OSBPL10: variants seen among roughly 807,000 people sequenced by gnomAD.
The protein encoded by OSBPL10 is oxysterol-binding protein-related protein 10.
In OSBPL10, 49 loss-of-function variants were observed where a neutral mutation model predicts 81.7. The observed-to-expected ratio is 0.60, with a 90% confidence interval of 0.48 to 0.76. OSBPL10 has a LOEUF of 0.76. Ranked by LOEUF, OSBPL10 falls within the 30% of genes least tolerant of loss-of-function variation. The pLI is 0.00. For synonymous variants in OSBPL10, 419 were observed against 383.6 expected, an observed-to-expected ratio of 1.09 and a Z score of -1.08; for missense variants, 923 against 987.8, an observed-to-expected ratio of 0.93 and a Z score of 0.88.
At chr3:31,993,696 A>ACACC in intron 2 of OSBPL10, among the ~76,000 whole-genome samples, 1 of 152,102 alleles carries the variant, frequency 6.6e-6, no homozygotes, top group East Asian at 1.9e-4. Flanking sequence ...ACACACACAC[A>ACACC]CACACACACA....
intron 5 of OSBPL10, among the ~76,000 whole-genome samples, chr3:31,741,562 C>T (rs1479994221): frequency 6.6e-6 from 1 of 152,204 alleles, no homozygotes; most frequent in Non-Finnish European, 1.5e-5. Flanking sequence ...TGTGCCCAGC[C>T]TCTAACTGCT....
At chr3:31,879,498 C>T in intron 2 of OSBPL10, 157 bp downstream of exon 2, 2 of 693,172 alleles carry the variant, frequency 2.9e-6, no homozygotes, top group Non-Finnish European at 4.7e-6. Context: ...CATCTCCCCA[C>T]CCCAGGGATA....
At chr3:32,050,321 G>A (rs138344496) in intron 1 of OSBPL10, among the ~76,000 whole-genome samples, 87 of 152,208 alleles carry the variant, frequency 5.7e-4, no homozygotes, top group African/African-American at 2.0e-3. Flanking sequence ...TTTTCACAAC[G>A]GTGGCATGAA....
At chr3:31,806,977 C>A (rs1699536368) in intron 4 of OSBPL10, among the ~76,000 whole-genome samples, 1 of 152,110 alleles carries the variant, frequency 6.6e-6, no homozygotes, top group African/African-American at 2.4e-5. Context: ...AGCCAGGGAC[C>A]TGGTCATGGA....
At chr3:32,026,074 G>A in intron 2 of OSBPL10, among the ~76,000 whole-genome samples, 1 of 103,888 alleles carries the variant, frequency 9.6e-6, no homozygotes, top group East Asian at 3.9e-4. Flanking sequence ...TAGATAGATA[G>A]ATAGATAGAT....
chr3:31,733,564 A>C (rs1197418583), intron 5 of OSBPL10, among the ~76,000 whole-genome samples, 153 bp from the exon 6 acceptor site: 3 of 152,168 alleles, frequency 2.0e-5, no homozygotes, highest in African/African-American at 7.2e-5. Flanking sequence ...CCAAGTGCAG[A>C]TTCTGATCAT....
intron 6 of OSBPL10, among the ~76,000 whole-genome samples, chr3:31,719,405 CAA>C (rs1448930038): frequency 1.3e-5 from 2 of 151,978 alleles, no homozygotes; most frequent in African/African-American, 2.4e-5. Flanking sequence ...GAAAAATATG[CAA>C]AGACTATGAA....
At chr3:31,769,337 C>T (rs1414357229) in intron 4 of OSBPL10, among the ~76,000 whole-genome samples, 1 of 150,332 alleles carries the variant, frequency 6.7e-6, no homozygotes, top group African/African-American at 2.4e-5. Context: ...CCCAGCTACT[C>T]TGGATGCTGA....
intron 1 of OSBPL10, among the ~76,000 whole-genome samples, chr3:31,913,054 A>T (rs1440017929): frequency 6.6e-6 from 1 of 152,184 alleles, no homozygotes; most frequent in East Asian, 1.9e-4. Context: ...ATAAGAACTG[A>T]TTTATAATAC....
chr3:31,766,047 T>C (rs894266261), intron 4 of OSBPL10, among the ~76,000 whole-genome samples: 3 of 152,172 alleles, frequency 2.0e-5, no homozygotes, highest in Non-Finnish European at 4.4e-5. Context: ...TTCTCTCCTC[T>C]TCTTGCTCAA....
intron 8 of OSBPL10, among the ~76,000 whole-genome samples, chr3:31,672,960 A>AT (rs1281234490): frequency 1.3e-5 from 2 of 152,184 alleles, no homozygotes; most frequent in Non-Finnish European, 1.5e-5. Context: ...CACAAACAGC[A>AT]TAAGTCCACT....
In OSBPL10 at chr3:31,731,488, C is replaced by CT. The variant is rs202094117; in HGVS notation, c.1095+1768dup. Among the ~76,000 whole-genome samples, 158 of 142,300 alleles carry CT rather than the reference C, an allele frequency of 1.1e-3. 1 individual carries two copies. The highest frequency in any genetic ancestry group is 1.9e-3 in the East Asian group (9 of 4,818). 93.4% of individuals were successfully genotyped at this position (142,300 alleles called of 152,430 possible). A position where few individuals can be genotyped will look rare whatever the true frequency, so the allele number is the denominator to read the frequency against. Reference sequence around the variant, plus strand: ...GAACTTGGGAATTAGTTATTTCTTTCTTTTTTTTTTTTTTTCTTGAGATGG... The same window carrying CT: ...GAACTTGGGAATTAGTTATTTCTTTCTTTTTTTTTTTTTTTTCTTGAGATGG... On this transcript the variant is annotated intron_variant, in intron 6 of 11. Coordinates refer to ENST00000396556, the MANE Select transcript of OSBPL10 (RefSeq NM_017784.5).
intron 1 of OSBPL10, among the ~76,000 whole-genome samples, chr3:32,052,612 A>T (rs1023865654): frequency 2.0e-5 from 3 of 152,258 alleles, no homozygotes; most frequent in African/African-American, 7.2e-5. Context: ...ACCACGGAAT[A>T]CCATGCAGCC....
chr3:32,024,556 T>C (rs1575087558), intron 2 of OSBPL10, among the ~76,000 whole-genome samples: 1 of 146,468 alleles, frequency 6.8e-6, no homozygotes, highest in African/African-American at 2.5e-5. Context: ...GATGGCATGA[T>C]CTCGGCTCAC....
chr3:31,920,785 A>C (rs1696890691), intron 1 of OSBPL10, among the ~76,000 whole-genome samples: 1 of 152,092 alleles, frequency 6.6e-6, no homozygotes, highest in African/African-American at 2.4e-5. Flanking sequence ...TCTATTTATT[A>C]GTTCACACCA....
intron 4 of OSBPL10, among the ~76,000 whole-genome samples, chr3:31,751,834 G>A (rs768405029): frequency 2.0e-5 from 3 of 152,112 alleles, no homozygotes; most frequent in East Asian, 1.9e-4. Flanking sequence ...TTCACTTTAC[G>A]TTAGCTTCAT....
At chr3:32,037,691 C>T in intron 2 of OSBPL10, 1 of 170,944 alleles carries the variant, frequency 5.8e-6, no homozygotes, top group South Asian at 1.4e-4. Flanking sequence ...AGAGAATCCA[C>T]TAGGCACCAG....
intron 4 of OSBPL10, among the ~76,000 whole-genome samples, chr3:31,774,638 G>C (rs184942115): frequency 4.6e-5 from 7 of 151,460 alleles, no homozygotes; most frequent in East Asian, 2.0e-4. Context: ...TCAGCTTCTC[G>C]AGTAGCTGGG....
chr3:31,716,641 G>C (rs999961420), intron 6 of OSBPL10, among the ~76,000 whole-genome samples: 1 of 152,168 alleles, frequency 6.6e-6, no homozygotes. Flanking sequence ...AATCCTAGGC[G>C]GCCAGTGAGG....
Sources: gnomAD v4.1 joint callset for allele counts (sites outside exome capture counted in the v4.1 genomes callset) on GRCh38, gnomAD v4.1.1 for gene constraint, MANE v1.5 for transcripts, NCBI Gene and HGNC (gene_info 2026-07-23, HGNC 2026-07-21) for gene names.